The following DNAAF11 variants were observed in gnomAD, a reference collection of about 807,000 sequenced individuals.
DNAAF11 encodes leucine rich repeat containing 6.
A neutral mutation model predicts 60.8 loss-of-function variants in DNAAF11; 45 were observed. The ratio of observed to expected loss-of-function variants is 0.74; its 90% CI spans 0.58 to 0.95. The LOEUF (loss-of-function observed/expected upper bound fraction) is 0.95. DNAAF11 is among the 40% of genes least tolerant of loss of function. DNAAF11 has a pLI of 0.00. For synonymous variants in DNAAF11, 191 were observed against 183.5 expected (o/e 1.04, Z -0.33); for missense variants, 546 against 546.2 (o/e 1.00, Z 0.00).
chr8:132,688,025 T>C, the DNAAF11 span, among the ~76,000 whole-genome samples: 2 of 152,222 alleles, frequency 1.3e-5, no homozygotes, highest in African/African-American at 2.4e-5. Context: ...TTACCACTCA[T>C]ATTTGTAATT....
Position 132,610,210 on chromosome 8 carries a change from T to C in DNAAF11, c.1096A>G (p.Lys366Glu), listed in dbSNP as rs201309011. Residue 366 changes from lysine to glutamate, a missense_variant, in exon 10 of 12, where the codon AAA becomes GAA. By Grantham distance (56) the Lys-to-Glu change is moderately conservative. Transcript: ENST00000620350. ...AEVKPDSSSA[K>E]RSQTTGHLVI... ...AAATGACCCGTTGTCTGAGATCTTTTAGCAGAACTACTATCGGGTTTCACT... is the reference window on the plus strand; with the variant it reads ...AAATGACCCGTTGTCTGAGATCTTTCAGCAGAACTACTATCGGGTTTCACT... 709 of 1,613,934 alleles carry C rather than the reference T, an allele frequency of 4.4e-4. 1 individual carries two copies. Among genetic ancestry groups the C allele is most frequent in the Non-Finnish European group, 5.5e-4 (644 of 1,179,958 alleles).
chr8:132,622,787 TA>T, intron 6 of DNAAF11, 99 bp from the exon 7 acceptor site: 1 of 831,278 alleles, frequency 1.2e-6, no homozygotes, highest in Admixed American at 2.2e-5. Flanking sequence ...GAAACAGTTT[TA>T]AAAAAATTAA....
chr8:132,587,334 C>G (rs1816009213), intron 10 of DNAAF11, among the ~76,000 whole-genome samples: 1 of 152,134 alleles, frequency 6.6e-6, no homozygotes, highest in Non-Finnish European at 1.5e-5. Context: ...AAGGAGTCAG[C>G]TGTAAGCAAA....
At chr8:132,664,891 GA>G (rs1824479161) in intron 1 of DNAAF11, among the ~76,000 whole-genome samples, 3 of 152,130 alleles carry the variant, frequency 2.0e-5, no homozygotes, top group Admixed American at 1.3e-4. Flanking sequence ...TTCTAACCAT[GA>G]GAATTAAGAT....
At chr8:132,601,806 A>C (rs1397731934) in intron 10 of DNAAF11, among the ~76,000 whole-genome samples, 1 of 152,124 alleles carries the variant, frequency 6.6e-6, no homozygotes, top group African/African-American at 2.4e-5. Flanking sequence ...TAGCATTAGG[A>C]GATATACCTA....
At chr8:132,698,037 A>G in the DNAAF11 span, among the ~76,000 whole-genome samples, 12 of 152,348 alleles carry the variant, frequency 7.9e-5, no homozygotes, top group East Asian at 1.9e-3. Flanking sequence ...AGTGGAAAAC[A>G]TCCTGGACTT....
At chr8:132,601,849 C>G (rs1047701246) in intron 10 of DNAAF11, among the ~76,000 whole-genome samples, 1 of 151,994 alleles carries the variant, frequency 6.6e-6, no homozygotes, top group Non-Finnish European at 1.5e-5. Context: ...TGCAGCACAC[C>G]AACATGGTGC....
At chr8:132,606,173 C>T (rs765940176) in intron 10 of DNAAF11, among the ~76,000 whole-genome samples, 8 of 152,104 alleles carry the variant, frequency 5.3e-5, no homozygotes, top group Admixed American at 3.3e-4. Context: ...ACTGCACTGC[C>T]AGTCGTATAA....
intron 10 of DNAAF11, among the ~76,000 whole-genome samples, chr8:132,606,408 G>T (rs1818138773): frequency 1.3e-5 from 2 of 152,308 alleles, no homozygotes; most frequent in South Asian, 4.2e-4. Context: ...ACCCTGTGTA[G>T]ACCTAGGCTA....
chr8:132,652,069 A>G (rs900607386), intron 3 of DNAAF11, among the ~76,000 whole-genome samples: 19 of 152,260 alleles, frequency 1.2e-4, no homozygotes, highest in Admixed American at 8.5e-4. Context: ...TAGTAGGCAA[A>G]TAGGCTAAAA....
intron 3 of DNAAF11, among the ~76,000 whole-genome samples, chr8:132,656,379 C>T (rs1434089306): frequency 2.6e-5 from 4 of 152,064 alleles, no homozygotes; most frequent in African/African-American, 7.2e-5. Flanking sequence ...CACCTTATTG[C>T]TTGAATTTTT....
At chr8:132,649,349 C>G (rs944399132) in intron 3 of DNAAF11, among the ~76,000 whole-genome samples, 1 of 152,116 alleles carries the variant, frequency 6.6e-6, no homozygotes, top group African/African-American at 2.4e-5. Context: ...CTTCCTTACA[C>G]CTTAACAAAA....
upstream of DNAAF11, among the ~76,000 whole-genome samples, chr8:132,677,229 A>G (rs956477933): frequency 2.6e-5 from 4 of 152,130 alleles, no homozygotes; most frequent in Non-Finnish European, 4.4e-5. Flanking sequence ...TGAATTGTGC[A>G]TTTTAACAAC....
chr8:132,693,448 A>AGT, the DNAAF11 span, among the ~76,000 whole-genome samples: 1,729 of 148,536 alleles, frequency 0.012, 26 homozygotes, highest in South Asian at 0.029. Flanking sequence ...AATGTATGTG[A>AGT]GTGTGTGTGT....
intron 4 of DNAAF11, among the ~76,000 whole-genome samples, chr8:132,633,455 G>T (rs550633029): frequency 6.6e-6 from 1 of 152,256 alleles, no homozygotes; most frequent in Admixed American, 6.5e-5. Context: ...CTTCAATTAT[G>T]ATTTTCCAAA....
At chr8:132,595,114 T>C (rs1019886263) in intron 10 of DNAAF11, among the ~76,000 whole-genome samples, 1 of 151,680 alleles carries the variant, frequency 6.6e-6, no homozygotes, top group Non-Finnish European at 1.5e-5. Context: ...AATTACCCAG[T>C]CTTGGGTATT....
chr8:132,669,903 T>A (rs887784813), intron 1 of DNAAF11, among the ~76,000 whole-genome samples: 1 of 136,438 alleles, frequency 7.3e-6, no homozygotes, highest in Non-Finnish European at 1.5e-5. Context: ...ATCGTGCCAC[T>A]GCACTCCAGC....
chr8:132,697,203 G>C, the DNAAF11 span, among the ~76,000 whole-genome samples: 1 of 152,180 alleles, frequency 6.6e-6, no homozygotes, highest in Non-Finnish European at 1.5e-5. Flanking sequence ...ATGGCAGAGG[G>C]ATCTTTTTGG....
At chr8:132,651,147 C>T (rs1352842226) in intron 3 of DNAAF11, among the ~76,000 whole-genome samples, 2 of 152,122 alleles carry the variant, frequency 1.3e-5, no homozygotes, top group African/African-American at 2.4e-5. Context: ...AAATCACCAA[C>T]ACTGACTGCC....
Sources: allele counts gnomAD v4.1 joint callset (sites outside exome capture counted in the v4.1 genomes callset), GRCh38; gene constraint gnomAD v4.1.1; transcripts MANE v1.5; gene names NCBI Gene and HGNC (gene_info 2026-07-23, HGNC 2026-07-21).